RUNX2: variants seen among roughly 807,000 people sequenced by gnomAD.
RUNX2 encodes RUNX family transcription factor 2.
Under a neutral mutation model 51.7 loss-of-function variants are expected in RUNX2, and 10 were observed. That is an observed-to-expected ratio of 0.19 (90% CI 0.12 to 0.33). The LOEUF (loss-of-function observed/expected upper bound fraction) is 0.33, where lower values mean the gene tolerates loss of function less well. Ranked by LOEUF, RUNX2 falls within the 10% of genes least tolerant of loss-of-function variation. The probability of loss-of-function intolerance (pLI) is 1.00; values close to 1 mark genes in which losing one functional copy is unlikely to be tolerated. For missense variants in RUNX2, 562 were observed against 691.3 expected (o/e 0.81, Z 2.10); for synonymous variants, 276 against 273.6 (o/e 1.01, Z -0.09).
intron 2 of RUNX2, among the ~76,000 whole-genome samples, chr6:45,369,598 T>C (rs1188935399): frequency 1.3e-5 from 2 of 152,074 alleles, no homozygotes. Context: ...TATCCTCCCT[T>C]AATTCCCTCC....
intron 2 of RUNX2, among the ~76,000 whole-genome samples, chr6:45,397,621 T>C (rs1054287396): frequency 1.3e-5 from 2 of 152,300 alleles, no homozygotes; most frequent in Middle Eastern, 3.4e-3. Context: ...TGACTAGTGA[T>C]GCCAGATTCA....
chr6:45,396,060 A>G (rs951965288), intron 2 of RUNX2, among the ~76,000 whole-genome samples: 1 of 152,224 alleles, frequency 6.6e-6, no homozygotes, highest in African/African-American at 2.4e-5. Context: ...AGACAGTTTC[A>G]ATCTGAAGTG....
chr6:45,550,873 C>T lies in RUNX2; in HGVS notation c.*3568C>T, dbSNP rs142687054. 1.3e-5 allele frequency: 2 copies of T among 152,524 alleles called. No individual in the cohort carries two copies. Among genetic ancestry groups the T allele is most frequent in the African/African-American group, 2.4e-5 (1 of 41,494 alleles). The allele number at this position is 152,524 out of a possible 1,614,324, so 9.4% of individuals were successfully genotyped here. ...TTTTATTTTTTCCAATTGCTATTGCCCAAGAATTGCTTTCCATGCACATAT... is the reference window on the plus strand; with the variant it reads ...TTTTATTTTTTCCAATTGCTATTGCTCAAGAATTGCTTTCCATGCACATAT... On this transcript the variant is annotated 3_prime_UTR_variant, in exon 9 of 9. Coordinates refer to ENST00000647337, the MANE Select transcript of RUNX2 (RefSeq NM_001024630.4).
intron 2 of RUNX2, among the ~76,000 whole-genome samples, chr6:45,413,711 G>T (rs574117233): frequency 6.6e-6 from 1 of 152,238 alleles, no homozygotes; most frequent in Non-Finnish European, 1.5e-5. Flanking sequence ...TTACAGGCAT[G>T]AGCCACCAGA....
At chr6:45,438,182 T>G in intron 5 of RUNX2, 131 bp downstream of exon 5, 2 of 666,868 alleles carry the variant, frequency 3.0e-6, no homozygotes, top group South Asian at 1.6e-5. Context: ...TGCATATATT[T>G]TTTTTAGTGA....
At chr6:45,370,376 G>A (rs1356959808) in intron 2 of RUNX2, among the ~76,000 whole-genome samples, 2 of 151,764 alleles carry the variant, frequency 1.3e-5, no homozygotes, top group African/African-American at 4.8e-5. Context: ...CTGAGATCCA[G>A]AAGACTGGGA....
intron 6 of RUNX2, among the ~76,000 whole-genome samples, chr6:45,511,521 C>T (rs1801146507): frequency 6.6e-6 from 1 of 152,180 alleles, no homozygotes; most frequent in African/African-American, 2.4e-5. Context: ...TGGTAGTTGA[C>T]TTTGAAATTA....
intron 2 of RUNX2, among the ~76,000 whole-genome samples, chr6:45,352,617 C>T (rs1019045602): frequency 6.6e-6 from 1 of 152,136 alleles, no homozygotes; most frequent in African/African-American, 2.4e-5. Context: ...CTATGATTCA[C>T]TAGGACATCA....
intron 5 of RUNX2, among the ~76,000 whole-genome samples, chr6:45,475,802 G>A (rs1242435038): frequency 6.6e-6 from 1 of 152,200 alleles, no homozygotes; most frequent in East Asian, 1.9e-4. Context: ...TTAGTGTTAA[G>A]GAATAACAAT....
chr6:45,376,910 T>TAC (rs948343813), intron 2 of RUNX2, among the ~76,000 whole-genome samples: 5 of 152,182 alleles, frequency 3.3e-5, no homozygotes, highest in Non-Finnish European at 1.5e-5. Flanking sequence ...TACATATATA[T>TAC]ACACACACAT....
intron 7 of RUNX2, among the ~76,000 whole-genome samples, chr6:45,516,787 A>T (rs1801339040): frequency 6.6e-6 from 1 of 152,240 alleles, no homozygotes. Context: ...AAAGATTATA[A>T]TTACATTTCT....
intron 2 of RUNX2, among the ~76,000 whole-genome samples, chr6:45,368,175 ATC>A (rs1795469553): frequency 1.3e-5 from 2 of 152,310 alleles, no homozygotes; most frequent in East Asian, 1.9e-4. Flanking sequence ...TTGAAAATGC[ATC>A]TGTTTGCCAT....
chr6:45,372,710 G>A (rs1796252431), intron 2 of RUNX2, among the ~76,000 whole-genome samples: 1 of 152,114 alleles, frequency 6.6e-6, no homozygotes, highest in South Asian at 2.1e-4. Flanking sequence ...TCAGGATGGA[G>A]TACAGTGGCA....
intron 2 of RUNX2, among the ~76,000 whole-genome samples, chr6:45,412,873 G>A (rs1797981630): frequency 6.6e-6 from 1 of 152,142 alleles, no homozygotes; most frequent in South Asian, 2.1e-4. Context: ...GCCTCCCTGA[G>A]TAGCTGGGAC....
intron 3 of RUNX2, among the ~76,000 whole-genome samples, chr6:45,430,355 G>A (rs1238112204): frequency 6.6e-6 from 1 of 152,162 alleles, no homozygotes; most frequent in East Asian, 1.9e-4. Context: ...AGTGGGGCCT[G>A]TAATTTAAGG....
At chr6:45,384,604 T>C (rs1797310719) in intron 2 of RUNX2, among the ~76,000 whole-genome samples, 1 of 151,888 alleles carries the variant, frequency 6.6e-6, no homozygotes. Flanking sequence ...GTTTTTATTA[T>C]AATTAGTTAT....
chr6:45,350,998 G>A (rs1791894214), intron 2 of RUNX2, among the ~76,000 whole-genome samples: 1 of 152,060 alleles, frequency 6.6e-6, no homozygotes, highest in Non-Finnish European at 1.5e-5. Context: ...CACACGCGAA[G>A]GATCTAAGTT....
intron 2 of RUNX2, among the ~76,000 whole-genome samples, chr6:45,341,599 C>T (rs922118861): frequency 6.6e-5 from 10 of 151,960 alleles, no homozygotes; most frequent in African/African-American, 7.3e-5. Context: ...AGTTTGTCTC[C>T]GCAACTTCAT....
chr6:45,519,287 T>A (rs1024264335), intron 7 of RUNX2, among the ~76,000 whole-genome samples: 18 of 152,222 alleles, frequency 1.2e-4, no homozygotes, highest in Admixed American at 4.6e-4. Flanking sequence ...GAATGTATAG[T>A]TTCTTATATT....
Sources: gnomAD v4.1 joint callset for allele counts (sites outside exome capture counted in the v4.1 genomes callset) on GRCh38, gnomAD v4.1.1 for gene constraint, MANE v1.5 for transcripts, NCBI Gene and HGNC (gene_info 2026-07-23, HGNC 2026-07-21) for gene names.